NBR1: variants seen among roughly 807,000 people sequenced by gnomAD.
NBR1 encodes the protein NBR1 autophagy cargo receptor.
NBR1 carries 59 observed loss-of-function variants against 115.5 expected under a neutral mutation model. The observed-to-expected ratio is 0.51, with a 90% confidence interval of 0.41 to 0.63. The LOEUF (loss-of-function observed/expected upper bound fraction) is 0.63, where lower values mean the gene tolerates loss of function less well. Ranked by LOEUF, NBR1 falls within the 30% of genes least tolerant of loss-of-function variation. The pLI is 0.00. For missense variants in NBR1, 1,043 were observed against 1,150.5 expected, an observed-to-expected ratio of 0.91 and a Z score of 1.35; for synonymous variants, 373 against 414.7, an observed-to-expected ratio of 0.90 and a Z score of 1.22.
At chr17:43,186,171 C>G (rs1036679101) in intron 5 of NBR1, 79 bp from the exon 6 acceptor site, 4 of 1,249,470 alleles carry the variant, frequency 3.2e-6, no homozygotes, top group Non-Finnish European at 1.1e-6. Flanking sequence ...CCACACTCTT[C>G]TGTTTTGATG....
At chr17:43,179,003 G>A (rs1207105415) in intron 3 of NBR1, among the ~76,000 whole-genome samples, 1 of 152,076 alleles carries the variant, frequency 6.6e-6, no homozygotes, top group Non-Finnish European at 1.5e-5. Context: ...GTTACAGTGT[G>A]TCAGACTAGC....
At chr17:43,186,981 C>A (rs752770637) in intron 6 of NBR1, among the ~76,000 whole-genome samples, 1 of 152,088 alleles carries the variant, frequency 6.6e-6, no homozygotes, top group South Asian at 2.1e-4. Flanking sequence ...AATAAACATA[C>A]GTTTGCATGT....
chr17:43,184,369 A>ATTTTTTTT (rs1597977030), intron 5 of NBR1, among the ~76,000 whole-genome samples: 1 of 21,820 alleles, frequency 4.6e-5, no homozygotes, highest in Non-Finnish European at 2.8e-4. Context: ...CCAAAATACT[A>ATTTTTTTT]TTCTTTTTTT....
chr17:43,182,402 A>G (rs895523092), intron 5 of NBR1, among the ~76,000 whole-genome samples: 1 of 151,014 alleles, frequency 6.6e-6, no homozygotes, highest in Non-Finnish European at 1.5e-5. Flanking sequence ...TGTAGTTTTT[A>G]GTAGAGACAG....
chr17:43,207,641 T>G (rs1598021224), intron 20 of NBR1, among the ~76,000 whole-genome samples: 2 of 152,356 alleles, frequency 1.3e-5, no homozygotes, highest in Admixed American at 6.5e-5. Flanking sequence ...ATGAGAAACT[T>G]GAGCCGCTGC....
chr17:43,207,220 A>G (rs2057334459), intron 20 of NBR1, among the ~76,000 whole-genome samples: 1 of 152,216 alleles, frequency 6.6e-6, no homozygotes, highest in Non-Finnish European at 1.5e-5. Flanking sequence ...GCAGCTGGAT[A>G]TATAGTTGTC....
intron 19 of NBR1, 104 bp downstream of exon 19, chr17:43,202,816 G>A (rs1312159018): frequency 3.5e-6 from 3 of 861,332 alleles, no homozygotes; most frequent in African/African-American, 1.7e-5. Flanking sequence ...TCAGAGAGCA[G>A]AGAAGGGGAG....
Position 43,202,769 on chromosome 17 carries a change from T to A in NBR1, c.2621+57T>A, listed in dbSNP as rs892323057. ...AGCAGGTGGATATTCTTGTATTCCT[T>A]CTGCTTAAAAGAGCCTCTCACAGTA... is the stretch of plus-strand genomic sequence containing the variant. On this transcript the variant is annotated intron_variant, in intron 19 of 20. Transcript: ENST00000590996. 2.1e-6 allele frequency: 3 copies of A among 1,402,234 alleles called. No individual in the cohort carries two copies. In the African/African-American group the frequency reaches 4.3e-5, roughly 20 times the overall value. 86.9% of individuals were successfully genotyped at this position (1,402,234 alleles called of 1,614,324 possible).
intron 2 of NBR1, 64 bp from the exon 3 acceptor site, chr17:43,177,872 G>T (rs769670264): frequency 1.4e-4 from 182 of 1,288,090 alleles, no homozygotes; most frequent in Non-Finnish European, 1.8e-4. Context: ...GATTTTGTGG[G>T]TTTTTTTTAC....
rs1035141256 is a variant in NBR1, at chr17:43,210,576, T to G, written c.*502T>G. ...CATTGAAATAACACCCAGAGCATGA[T>G]AGAAATGTTGTTACTCTTCCTCTCT... On this transcript the variant is annotated 3_prime_UTR_variant, in exon 21 of 21. Coordinates refer to ENST00000590996, the MANE Select transcript of NBR1 (RefSeq NM_005899.5). 2 of 398,396 alleles carry G rather than the reference T, an allele frequency of 5.0e-6. No homozygotes were observed. Among genetic ancestry groups the G allele is most frequent in the Admixed American group, 8.8e-5 (2 of 22,714 alleles). 24.7% of individuals were successfully genotyped at this position (398,396 alleles called of 1,614,324 possible). A position where few individuals can be genotyped will look rare whatever the true frequency, so the allele number is the denominator to read the frequency against.
intron 3 of NBR1, 64 bp downstream of exon 3, chr17:43,178,062 A>G: frequency 4.0e-6 from 6 of 1,510,538 alleles, no homozygotes; most frequent in Non-Finnish European, 5.4e-6. Flanking sequence ...CTCCAGTGAT[A>G]TGGGCTTTAA....
At chr17:43,204,497 C>A (rs1279696044) in intron 20 of NBR1, among the ~76,000 whole-genome samples, 1 of 151,266 alleles carries the variant, frequency 6.6e-6, no homozygotes, top group Non-Finnish European at 1.5e-5. Context: ...TAGTGAGACC[C>A]CCATCTCTAC....
chr17:43,203,813 A>C (rs904044669), intron 20 of NBR1, 27 bp downstream of exon 20: 1 of 1,391,598 alleles, frequency 7.2e-7, no homozygotes, highest in Non-Finnish European at 9.9e-7. Flanking sequence ...TATTTTCCTG[A>C]ATCTCAACTC....
At chr17:43,203,877 T>C in intron 20 of NBR1, 91 bp downstream of exon 20, 1 of 708,708 alleles carries the variant, frequency 1.4e-6, no homozygotes, top group Non-Finnish European at 2.3e-6. Flanking sequence ...TAACATGGCA[T>C]TGTGGAAAGG....
At chr17:43,193,717 C>A in intron 12 of NBR1, 79 bp downstream of exon 12, 1 of 1,440,464 alleles carries the variant, frequency 6.9e-7, no homozygotes, top group Non-Finnish European at 9.3e-7. Flanking sequence ...AAAGAACCCA[C>A]TCATAGCTGG....
chr17:43,191,259 C>CA, intron 9 of NBR1, 113 bp from the exon 10 acceptor site: 1 of 778,362 alleles, frequency 1.3e-6, no homozygotes, highest in Non-Finnish European at 2.1e-6. Flanking sequence ...AATTCTAAAA[C>CA]AAAAAAAGAA....
At chr17:43,183,224 TTTG>T (rs965106975) in intron 5 of NBR1, among the ~76,000 whole-genome samples, 3 of 151,356 alleles carry the variant, frequency 2.0e-5, no homozygotes, top group South Asian at 2.1e-4. Flanking sequence ...TGTCATTCCT[TTTG>T]TTGTTGTTTT....
rs1300046012 is a variant in NBR1 at position 43,200,659 on chromosome 17, G to A, written c.2468+51G>A. 6.0e-6 allele frequency: 9 copies of A among 1,499,460 alleles called. No individual in the cohort carries two copies. The East Asian group carries it at 2.1e-4, about 34-fold the overall frequency. The allele number at this position is 1,499,460 out of a possible 1,614,324, so 92.9% of individuals were successfully genotyped here. A position where few individuals can be genotyped will look rare whatever the true frequency, so the allele number is the denominator to read the frequency against. On this transcript the variant is annotated intron_variant, in intron 17 of 20. Transcript: ENST00000590996. Reference sequence around the variant, plus strand: ...GGGTGTTCTTCAGAGGTGAAATAAAGAGAGGAATCGACCTGATCTCAAAAC... The same window carrying A: ...GGGTGTTCTTCAGAGGTGAAATAAAAAGAGGAATCGACCTGATCTCAAAAC...
At chr17:43,209,862 A>AT (rs11322550) in intron 20 of NBR1, 39 bp from the exon 21 acceptor site, 18,020 of 1,355,894 alleles carry the variant, frequency 0.013, 7 homozygotes, top group African/African-American at 0.019. Context: ...ATTATACAGA[A>AT]TTTTTTTTTT....
Sources: allele counts gnomAD v4.1 joint callset (sites outside exome capture counted in the v4.1 genomes callset), GRCh38; gene constraint gnomAD v4.1.1; transcripts MANE v1.5; gene names NCBI Gene and HGNC (gene_info 2026-07-23, HGNC 2026-07-21).